The following LRRC47 variants were observed in gnomAD, a reference collection of about 807,000 sequenced individuals.
LRRC47 encodes the protein leucine rich repeat containing 47, also known as leucine-rich repeat-containing protein 47.
A neutral mutation model predicts 40.9 loss-of-function variants in LRRC47; 31 were observed. The observed-to-expected ratio is 0.76, with a 90% CI of 0.57 to 1.02. The LOEUF (loss-of-function observed/expected upper bound fraction) is 1.02. LRRC47 is among the 50% of genes least tolerant of loss of function. LRRC47 has a pLI of 0.00. For synonymous variants in LRRC47, 427 were observed against 371.9 expected, an observed-to-expected ratio of 1.15 and a Z score of -1.70; for missense variants, 726 against 796.1, an observed-to-expected ratio of 0.91 and a Z score of 1.06.
Position 3,795,730 on chromosome 1 carries a change from C to A in LRRC47, c.615+132G>T, listed in dbSNP as rs1255185326. 3.2e-6 allele frequency: 4 copies of A among 1,249,228 alleles called. No homozygotes were observed. In the East Asian group the frequency reaches 8.9e-5, roughly 28 times the overall value. The allele number at this position is 1,249,228 out of a possible 1,614,324, so 77.4% of individuals were successfully genotyped here. ...GATGCCCCCCGCAGCTGGCTCCTTT[C>A]AGCCTTGTAGGAATTCCCTGGGCCC... On this transcript the variant is annotated intron_variant, in intron 1 of 6. Transcript: ENST00000378251.
At chr1:3,783,924 GACTA>G in intron 4 of LRRC47, 68 bp downstream of exon 4, 1 of 1,300,950 alleles carries the variant, frequency 7.7e-7, no homozygotes, top group Non-Finnish European at 1.1e-6. Context: ...GAGGAGCACA[GACTA>G]ACTCAGCTGA....
chr1:3,790,052 C>T (rs528391067), intron 1 of LRRC47, among the ~76,000 whole-genome samples: 2 of 152,294 alleles, frequency 1.3e-5, no homozygotes, highest in East Asian at 1.9e-4. Context: ...ACCTGTCACC[C>T]GGAGCTGACA....
At chr1:3,784,557 A>C (rs185769966) in intron 3 of LRRC47, among the ~76,000 whole-genome samples, 55 of 134,522 alleles carry the variant, frequency 4.1e-4, no homozygotes, top group African/African-American at 1.7e-3. Flanking sequence ...ATTAAAAGGT[A>C]GTGAGCGAGT....
At chr1:3,794,873 A>C (rs1159735610) in intron 1 of LRRC47, among the ~76,000 whole-genome samples, 1 of 151,586 alleles carries the variant, frequency 6.6e-6, no homozygotes, top group African/African-American at 2.4e-5. Flanking sequence ...TGACCAACAC[A>C]GTGAAACCCG....
intron 1 of LRRC47, among the ~76,000 whole-genome samples, chr1:3,795,093 A>G (rs1643661171): frequency 6.6e-6 from 1 of 151,214 alleles, no homozygotes; most frequent in Non-Finnish European, 1.5e-5. Context: ...GCATAAATTC[A>G]AAGACGAAAA....
Position 3,780,842 on chromosome 1 carries a change from G to A in LRRC47, c.*246C>T. 3.8e-6 allele frequency: 2 copies of A among 521,620 alleles called. No individual in the cohort carries two copies. The highest frequency in any genetic ancestry group is 6.7e-6 in the Non-Finnish European group (2 of 296,622). 32.3% of individuals were successfully genotyped at this position (521,620 alleles called of 1,614,324 possible). On this transcript the variant is annotated 3_prime_UTR_variant, in exon 7 of 7. Transcript: ENST00000378251. ...AATACAAAAATTAGCTGAGCTTAGT[G>A]GCACACACCTGTAGTCCCAGCTACT...
In LRRC47 at chr1:3,787,085, G is replaced by T. The variant is rs149596199; in HGVS notation, c.841C>A (p.Arg281=). Residue 281 remains arginine (R), a synonymous_variant, in exon 2 of 7, where the codon CGG becomes AGG. Coordinates refer to ENST00000378251, the MANE Select transcript of LRRC47 (RefSeq NM_020710.3). ...TGCTTCCTCTCCCTCCTCTTCCTCC[G>T]GCTCTCTTCCTTCTCCGAGCCCTCG... The part of the protein sequence containing the change: ...RAEGSEKEES[R]RKRRERKQRR... 6.2e-6 allele frequency: 10 copies of T among 1,613,724 alleles called. No homozygotes were observed. Among genetic ancestry groups the T allele is most frequent in the Non-Finnish European group, 8.5e-6 (10 of 1,179,950 alleles).
In LRRC47 at chr1:3,796,142, T is replaced by C; in HGVS notation, c.335A>G (p.Glu112Gly). ...CAGGCCTTGGCCCGGCGGCAGCGCC[T>C]CCAGCGCGTTGCCCGACAGGTCGAG... ...RVLDLSGNAL[E>G]ALPPGQGLGP... The change falls in exon 1 of 7, where the codon GAG (glutamate) becomes GGG (glycine). Residue 112 changes from glutamate (E) to glycine (G), a missense_variant. Coordinates refer to ENST00000378251, the MANE Select transcript of LRRC47 (RefSeq NM_020710.3). 1.4e-6 allele frequency: 2 copies of C among 1,435,510 alleles called. No homozygotes were observed. Among genetic ancestry groups the C allele is most frequent in the Non-Finnish European group, 1.8e-6 (2 of 1,101,696 alleles). 88.9% of individuals were successfully genotyped at this position (1,435,510 alleles called of 1,614,324 possible). A position where few individuals can be genotyped will look rare whatever the true frequency, so the allele number is the denominator to read the frequency against.
rs755388662 is a variant in LRRC47, at chr1:3,787,026, G to C, written c.900C>G (p.Asp300Glu). ...RREGGDGEEQ[D>E]VGDAGRLLLR... ...GCAGCAGCCGGCCGGCATCTCCCAC[G>C]TCCTGCTCCTCCCCATCACCACCTT... The change falls in exon 2 of 7, where the codon GAC (aspartate) becomes GAG (glutamate). Residue 300 changes from aspartate (D) to glutamate (E), a missense_variant. Transcript: ENST00000378251. The C allele has an allele frequency of 9.9e-6, 16 of 1,611,432 alleles. No individual in the cohort carries two copies. In the South Asian group the frequency reaches 1.7e-4, roughly 17 times the overall value.
rs1643492231 is a variant in LRRC47, at chr1:3,778,868, C to T, written c.*2220G>A. The T allele has an allele frequency of 6.6e-6, 1 of 152,284 alleles. No homozygotes were observed. The highest frequency in any genetic ancestry group is 1.5e-5 in the Non-Finnish European group (1 of 68,072). The allele number at this position is 152,284 out of a possible 1,614,324, so 9.4% of individuals were successfully genotyped here. Reference sequence around the variant, plus strand: ...CCTCTGCCATGGCAGCCCCAAATCACCTCTCAGAGCAACTGTCTGGGGTCC... The same window carrying T: ...CCTCTGCCATGGCAGCCCCAAATCATCTCTCAGAGCAACTGTCTGGGGTCC... On this transcript the variant is annotated 3_prime_UTR_variant, in exon 7 of 7. Transcript: ENST00000378251.
intron 1 of LRRC47, among the ~76,000 whole-genome samples, chr1:3,791,834 G>C (rs958826546): frequency 6.6e-6 from 1 of 151,954 alleles, no homozygotes; most frequent in African/African-American, 2.4e-5. Context: ...GCTCACTGCA[G>C]CCTCAACCTC....
chr1:3,782,362 G>A lies in LRRC47; in HGVS notation c.1413+299C>T, dbSNP rs900874341. The stretch of plus-strand genomic sequence containing the variant: ...GCCTCCTGAGTAGCTGAGACTACAG[G>A]TATGTGCCACTATGCTCAGCCTTCC... On this transcript the variant is annotated intron_variant, in intron 5 of 6. Coordinates refer to ENST00000378251, the MANE Select transcript of LRRC47 (RefSeq NM_020710.3). Among the ~76,000 whole-genome samples the A allele has an allele frequency of 3.3e-5, 5 of 152,044 alleles. No individual in the cohort carries two copies. The East Asian group carries it at 7.7e-4, about 23-fold the overall frequency.
chr1:3,787,324 C>T lies in LRRC47; in HGVS notation c.616-14G>A. The T allele has an allele frequency of 6.2e-7, 1 of 1,601,036 alleles. No individual in the cohort carries two copies. The highest frequency in any genetic ancestry group is 8.5e-7 in the Non-Finnish European group (1 of 1,175,962). ...GAGGTCCAACGTCTGCAAAGAGAAA[C>T]ATGGACGCGTCAGACGCCCGGACTC... On this transcript the variant is annotated splice_polypyrimidine_tract_variant and intron_variant, in intron 1 of 6. Transcript: ENST00000378251.
chr1:3,789,145 G>A (rs1643604233), intron 1 of LRRC47, among the ~76,000 whole-genome samples: 1 of 152,250 alleles, frequency 6.6e-6, no homozygotes, highest in South Asian at 2.1e-4. Flanking sequence ...CACCAATGCT[G>A]TCGCCAGCCT....
chr1:3,783,412 C>T (rs796901634), intron 4 of LRRC47, among the ~76,000 whole-genome samples: 2 of 127,576 alleles, frequency 1.6e-5, no homozygotes, highest in South Asian at 2.7e-4. Context: ...AAGAGTGAGA[C>T]CCCATCTCAA....
chr1:3,789,845 G>C (rs758521421), intron 1 of LRRC47, among the ~76,000 whole-genome samples: 12 of 152,246 alleles, frequency 7.9e-5, no homozygotes, highest in Non-Finnish European at 1.8e-4. Context: ...TGGGCACCCA[G>C]TGGCGGCCTC....
rs996547765 is a variant in LRRC47 at position 3,779,147 on chromosome 1, G to C, written c.*1941C>G. Reference sequence around the variant, plus strand: ...ACAGTGGGCGAGACGGGAAGGCCTGGCGGTGACCAGACAAGTGGGTCCAGG... The same window carrying C: ...ACAGTGGGCGAGACGGGAAGGCCTGCCGGTGACCAGACAAGTGGGTCCAGG... On this transcript the variant is annotated 3_prime_UTR_variant, in exon 7 of 7. Transcript: ENST00000378251. 6.6e-6 allele frequency: 1 copy of C among 152,332 alleles called. No homozygotes were observed. The highest frequency in any genetic ancestry group is 1.5e-5 in the Non-Finnish European group (1 of 68,126). 9.4% of individuals were successfully genotyped at this position (152,332 alleles called of 1,614,324 possible). A position where few individuals can be genotyped will look rare whatever the true frequency, so the allele number is the denominator to read the frequency against.
chr1:3,795,523 AC>A (rs1389320331), intron 1 of LRRC47, among the ~76,000 whole-genome samples: 8 of 152,256 alleles, frequency 5.3e-5, no homozygotes, highest in Non-Finnish European at 1.0e-4. Context: ...AGTACTAGAT[AC>A]AAAAAAGACA....
rs1247870438 is a variant in LRRC47, at chr1:3,778,870, T to C, written c.*2218A>G. 1 of 152,016 alleles carries C rather than the reference T, an allele frequency of 6.6e-6. No individual in the cohort carries two copies. Among genetic ancestry groups the C allele is most frequent in the Non-Finnish European group, 1.5e-5 (1 of 68,016 alleles). 9.4% of individuals were successfully genotyped at this position (152,016 alleles called of 1,614,324 possible). Reference sequence around the variant, plus strand: ...TCTGCCATGGCAGCCCCAAATCACCTCTCAGAGCAACTGTCTGGGGTCCCC... The same window carrying C: ...TCTGCCATGGCAGCCCCAAATCACCCCTCAGAGCAACTGTCTGGGGTCCCC... On this transcript the variant is annotated 3_prime_UTR_variant, in exon 7 of 7. Transcript: ENST00000378251.
Sources: allele counts gnomAD v4.1 joint callset (sites outside exome capture counted in the v4.1 genomes callset), GRCh38; gene constraint gnomAD v4.1.1; transcripts MANE v1.5; gene names NCBI Gene and HGNC (gene_info 2026-07-23, HGNC 2026-07-21).